The following ARHGAP22 variants were observed in gnomAD, a reference collection of about 807,000 sequenced individuals.
ARHGAP22 encodes the protein Rho GTPase activating protein 22.
A neutral mutation model predicts 59.1 loss-of-function variants in ARHGAP22; 48 were observed. That is an observed-to-expected ratio of 0.81 (90% CI 0.64 to 1.03). The LOEUF (loss-of-function observed/expected upper bound fraction) is 1.03. Ranked by LOEUF, ARHGAP22 falls within the 50% of genes least tolerant of loss-of-function variation. The probability of loss-of-function intolerance (pLI) is 0.00; values close to 1 mark genes in which losing one functional copy is unlikely to be tolerated. For missense variants in ARHGAP22, 1,015 were observed against 958.7 expected (o/e 1.06, Z -0.78); for synonymous variants, 445 against 416.4 (o/e 1.07, Z -0.84).
At position 48,479,747 on chromosome 10, in the gene ARHGAP22, C is replaced by A; in HGVS notation, c.340G>T (p.Glu114Ter). The change falls in exon 4 of 10, where the codon GAG becomes TAG. Residue 114 changes from glutamate to a stop codon, truncating the protein, a stop_gained. Transcript: ENST00000249601. LOFTEE classifies it high-confidence loss of function. Reference sequence around the variant, plus strand: ...GCCTCGGGGTTGGCCGGCACCTTCTCCCGCTCCCCGGCACCACCTGCAAGA... The same window carrying A: ...GCCTCGGGGTTGGCCGGCACCTTCTACCGCTCCCCGGCACCACCTGCAAGA... ...EISPGGAGER[E>*]KVPANPEALL... 6.3e-7 allele frequency: 1 copy of A among 1,594,160 alleles called. No individual in the cohort carries two copies.
At chr10:48,614,616 CA>C (rs1378859402) in intron 1 of ARHGAP22, among the ~76,000 whole-genome samples, 1 of 152,194 alleles carries the variant, frequency 6.6e-6, no homozygotes, top group Non-Finnish European at 1.5e-5. Flanking sequence ...AGTGACAAAT[CA>C]GTGTTTTGGA....
At chr10:48,555,984 G>A (rs7085183) in intron 2 of ARHGAP22, among the ~76,000 whole-genome samples, 1 of 152,068 alleles carries the variant, frequency 6.6e-6, no homozygotes, top group Admixed American at 6.5e-5. Context: ...GTCCTGCCAC[G>A]TCTTGGCTGG....
intron 1 of ARHGAP22, among the ~76,000 whole-genome samples, chr10:48,611,426 G>A (rs538687864): frequency 1.3e-5 from 2 of 152,254 alleles, no homozygotes; most frequent in East Asian, 1.9e-4. Context: ...AAAGAAGGGG[G>A]GAGGTCGCTG....
At chr10:48,459,104 A>G (rs1345903213) in intron 5 of ARHGAP22, among the ~76,000 whole-genome samples, 1 of 151,910 alleles carries the variant, frequency 6.6e-6, no homozygotes, top group Non-Finnish European at 1.5e-5. Flanking sequence ...GTCAGGGGAA[A>G]CAGAATCCCC....
chr10:48,453,985 C>T lies in ARHGAP22; in HGVS notation c.866+103G>A, dbSNP rs900460560. 13 of 1,250,746 alleles carry T rather than the reference C, an allele frequency of 1.0e-5. No individual in the cohort carries two copies. The Admixed American group carries it at 1.5e-4, about 15-fold the overall frequency. 77.5% of individuals were successfully genotyped at this position (1,250,746 alleles called of 1,614,324 possible). A position where few individuals can be genotyped will look rare whatever the true frequency, so the allele number is the denominator to read the frequency against. On this transcript the variant is annotated intron_variant, in intron 7 of 9. Transcript: ENST00000249601. ...AGGCTGTGCAGGGTGGGGAATGACC[C>T]GGGCCCCCCTCTGACAAGGAAGAGT... is the stretch of plus-strand genomic sequence containing the variant.
At chr10:48,460,236 A>G (rs1052959674) in intron 4 of ARHGAP22, among the ~76,000 whole-genome samples, 3 of 152,212 alleles carry the variant, frequency 2.0e-5, no homozygotes, top group African/African-American at 7.2e-5. Context: ...CAGTCATTCC[A>G]AATGAGAAGC....
At chr10:48,574,225 A>G (rs971043538) in intron 2 of ARHGAP22, among the ~76,000 whole-genome samples, 4 of 139,490 alleles carry the variant, frequency 2.9e-5, no homozygotes, top group Non-Finnish European at 6.1e-5. Flanking sequence ...CATTCCATTT[A>G]TTTTTCTCAT....
At chr10:48,591,751 G>C (rs184563869) in intron 1 of ARHGAP22, among the ~76,000 whole-genome samples, 1 of 152,128 alleles carries the variant, frequency 6.6e-6, no homozygotes. Flanking sequence ...GTGTGCCCCT[G>C]TGGTCCCAGC....
rs188223380 is a variant in ARHGAP22 at position 48,622,330 on chromosome 10, G to A, written c.52+29904C>T. Among the ~76,000 whole-genome samples, 6 of 151,464 alleles carry A rather than the reference G, an allele frequency of 4.0e-5. No homozygotes were observed. The East Asian group carries it at 1.2e-3, about 29-fold the overall frequency. On this transcript the variant is annotated intron_variant, in intron 1 of 9. Transcript: ENST00000435790. ...GGTTATTTTCTTAGTGGTTGCCTTG[G>A]GGATTACATCTTCTTTTGTTTGGTT...
chr10:48,587,581 C>A (rs1320578880), intron 1 of ARHGAP22, among the ~76,000 whole-genome samples: 3 of 152,158 alleles, frequency 2.0e-5, no homozygotes, highest in African/African-American at 7.2e-5. Flanking sequence ...GCTTAGGTCT[C>A]CACTGTCTAT....
intron 1 of ARHGAP22, among the ~76,000 whole-genome samples, chr10:48,623,499 G>C (rs1180105167): frequency 6.6e-6 from 1 of 152,146 alleles, no homozygotes; most frequent in East Asian, 1.9e-4. Flanking sequence ...ACTTGCAATG[G>C]TGCCTCAGTT....
At chr10:48,498,763 A>G (rs993690216) in intron 3 of ARHGAP22, among the ~76,000 whole-genome samples, 60 of 152,330 alleles carry the variant, frequency 3.9e-4, no homozygotes, top group Non-Finnish European at 2.8e-4. Context: ...CAACATCATG[A>G]CCAAAGCAGG....
chr10:48,524,562 A>G (rs996081597), intron 3 of ARHGAP22, among the ~76,000 whole-genome samples: 8 of 152,102 alleles, frequency 5.3e-5, no homozygotes, highest in Non-Finnish European at 1.0e-4. Flanking sequence ...CAGAATGGGA[A>G]GAAGGGGCGC....
intron 3 of ARHGAP22, among the ~76,000 whole-genome samples, chr10:48,480,476 A>G (rs959148539): frequency 1.3e-5 from 2 of 152,248 alleles, no homozygotes; most frequent in Admixed American, 6.5e-5. Context: ...AGGGTTTTCA[A>G]GAATGAGTTT....
chr10:48,475,663 G>A (rs1440359799), intron 4 of ARHGAP22, among the ~76,000 whole-genome samples: 1 of 152,148 alleles, frequency 6.6e-6, no homozygotes, highest in African/African-American at 2.4e-5. Flanking sequence ...AATAAATCAA[G>A]AATTCAATGA....
chr10:48,602,801 G>A (rs1235234650), intron 1 of ARHGAP22, among the ~76,000 whole-genome samples: 2 of 152,180 alleles, frequency 1.3e-5, no homozygotes, highest in African/African-American at 4.8e-5. Context: ...GCAACCTATG[G>A]TAAATACCAT....
At chr10:48,563,434 C>T (rs963173742) in intron 2 of ARHGAP22, among the ~76,000 whole-genome samples, 2 of 152,134 alleles carry the variant, frequency 1.3e-5, no homozygotes, top group African/African-American at 2.4e-5. Flanking sequence ...TCGTGATCCG[C>T]CCGTCTCGGC....
At chr10:48,452,271 C>T (rs1037961098) in intron 8 of ARHGAP22, among the ~76,000 whole-genome samples, 1 of 152,142 alleles carries the variant, frequency 6.6e-6, no homozygotes, top group African/African-American at 2.4e-5. Flanking sequence ...GGAGGTCCCC[C>T]GGTAGGAGGG....
In ARHGAP22 at chr10:48,583,123, G is replaced by A; in HGVS notation, c.64C>T (p.Gln22Ter). Residue 22 changes from glutamine to a stop codon, truncating the protein, a stop_gained, in exon 2 of 10, where the codon CAG becomes TAG. Coordinates refer to ENST00000249601, the MANE Select transcript of ARHGAP22 (RefSeq NM_021226.4). LOFTEE classifies it high-confidence loss of function. ...ARSKSLVMGE[Q>*]SRSPGRMPCP... is the part of the protein sequence containing the mutation. ...GGCATCCGCCCAGGGCTCCGGCTCT[G>A]CTCCCCCATCACTAGGCTTTTGGAG... 6.2e-7 allele frequency: 1 copy of A among 1,614,208 alleles called. No individual in the cohort carries two copies. Among genetic ancestry groups the A allele is most frequent in the Non-Finnish European group, 8.5e-7 (1 of 1,180,040 alleles).
Sources: allele counts gnomAD v4.1 joint callset (sites outside exome capture counted in the v4.1 genomes callset), GRCh38; gene constraint gnomAD v4.1.1; transcripts MANE v1.5; gene names NCBI Gene and HGNC (gene_info 2026-07-23, HGNC 2026-07-21).